CD8B2: variants seen among roughly 807,000 people sequenced by gnomAD.
CD8B2 encodes the protein T-cell surface glycoprotein CD8 beta-2 chain.
Under a neutral mutation model 23.7 loss-of-function variants are expected in CD8B2, and 11 were observed. That is an observed-to-expected ratio of 0.46 (90% CI 0.29 to 0.77). The LOEUF (loss-of-function observed/expected upper bound fraction) is 0.77, where lower values mean the gene tolerates loss of function less well. Among genes scored for constraint, CD8B2 ranks in the 30% least tolerant of loss-of-function variants. The pLI is 0.09. For synonymous variants in CD8B2, 90 were observed against 109.3 expected (o/e 0.82, Z 1.10); for missense variants, 197 against 270.5 (o/e 0.73, Z 1.91).
intron 4 of CD8B2, 141 bp downstream of exon 4, chr2:106,502,704 T>C (rs1242551145): frequency 1.4e-5 from 8 of 571,416 alleles, no homozygotes; most frequent in Non-Finnish European, 2.2e-5. Context: ...TTTCCGGAGG[T>C]AGTTCTTGGC....
intron 3 of CD8B2, among the ~76,000 whole-genome samples, chr2:106,502,071 G>A (rs1295066072): frequency 4.0e-5 from 6 of 151,768 alleles, no homozygotes; most frequent in Admixed American, 6.6e-5. Flanking sequence ...CAAGGTGGGC[G>A]GATTGCTTGA....
In CD8B2 at chr2:106,517,891, A is replaced by T. The variant is rs1415465370; in HGVS notation, c.620+13566A>T. ...CAACGCCCGGCTAATTTTTTTTGTA[A>T]TTTTAGTAGAGACGGGGTTTCACCG... is the stretch of plus-strand genomic sequence containing the variant. On this transcript the variant is annotated intron_variant, in intron 5 of 5. Transcript: ENST00000416057. Among the ~76,000 whole-genome samples, 7 of 151,694 alleles carry T rather than the reference A, an allele frequency of 4.6e-5. No individual in the cohort carries two copies. The East Asian group carries it at 7.8e-4, about 17-fold the overall frequency.
intron 5 of CD8B2, among the ~76,000 whole-genome samples, chr2:106,536,626 A>G (rs151201955): frequency 4.6e-5 from 7 of 152,334 alleles, no homozygotes; most frequent in Non-Finnish European, 8.8e-5. Flanking sequence ...CAATGAATAG[A>G]TGAAAAGGGT....
chr2:106,537,584 T>C (rs1453989248), intron 5 of CD8B2, among the ~76,000 whole-genome samples: 1 of 152,198 alleles, frequency 6.6e-6, no homozygotes, highest in East Asian at 1.9e-4. Context: ...AATCTCTTTT[T>C]ACTTGGTGTA....
At chr2:106,500,694 T>C (rs1157353305) in intron 3 of CD8B2, among the ~76,000 whole-genome samples, 1 of 152,118 alleles carries the variant, frequency 6.6e-6, no homozygotes, top group Admixed American at 6.5e-5. Context: ...TTTCCGAACC[T>C]CGAGCCCAAA....
Position 106,490,971 on chromosome 2 carries a change from C to T in CD8B2, c.141C>T (p.Leu47=). 2 of 1,614,030 alleles carry T rather than the reference C, an allele frequency of 1.2e-6. No individual in the cohort carries two copies. Among genetic ancestry groups the T allele is most frequent in the Non-Finnish European group, 1.7e-6 (2 of 1,179,882 alleles). The change falls in exon 2 of 6, where the codon CTC becomes CTT. Residue 47 remains leucine, a synonymous_variant. Coordinates refer to ENST00000643224, the MANE Select transcript of CD8B2 (RefSeq NM_001349727.2). ...TGTCCTGCGAGGCTAAAATCTCCCT[C>T]AGTAACATGTGCATCTACTGGCTGA... ...VMLSCEAKIS[L]SNMCIYWLRQ... is the part of the protein sequence containing the mutation.
chr2:106,511,055 G>A lies in CD8B2; in HGVS notation c.*4115G>A, dbSNP rs1487370507. The A allele has an allele frequency of 2.0e-5, 3 of 152,022 alleles. No homozygotes were observed. 9.4% of individuals were successfully genotyped at this position (152,022 alleles called of 1,614,324 possible). ...ATCATGTATTACTTTTGTAGTTGGG[G>A]AAAAAGCAATTAAAAGTTTGGAAAA... On this transcript the variant is annotated 3_prime_UTR_variant, in exon 6 of 6. Coordinates refer to ENST00000643224, the MANE Select transcript of CD8B2 (RefSeq NM_001349727.2).
At chr2:106,512,475 G>T (rs980486874), downstream of CD8B2, among the ~76,000 whole-genome samples, 1 of 142,480 alleles carries the variant, frequency 7.0e-6, no homozygotes, top group African/African-American at 2.6e-5. Flanking sequence ...TCTTCCTTGG[G>T]TGTGTGTGTG....
chr2:106,539,870 C>G (rs886741392), intron 5 of CD8B2, among the ~76,000 whole-genome samples: 2 of 152,222 alleles, frequency 1.3e-5, no homozygotes, highest in Admixed American at 6.5e-5. Context: ...TCTTGGCTAA[C>G]TTAATCACTG....
chr2:106,523,671 C>A (rs1679863097), intron 5 of CD8B2, among the ~76,000 whole-genome samples: 1 of 152,170 alleles, frequency 6.6e-6, no homozygotes, highest in South Asian at 2.1e-4. Context: ...GAAAGCCAAT[C>A]CCTGAGACAA....
At chr2:106,494,685 G>A (rs1194617261) in intron 2 of CD8B2, among the ~76,000 whole-genome samples, 1 of 152,022 alleles carries the variant, frequency 6.6e-6, no homozygotes, top group Non-Finnish European at 1.5e-5. Flanking sequence ...CCGGCCCACT[G>A]CCCCTCCCAA....
downstream of CD8B2, among the ~76,000 whole-genome samples, chr2:106,512,409 A>T (rs1253051686): frequency 6.6e-6 from 1 of 150,428 alleles, no homozygotes; most frequent in African/African-American, 2.5e-5. Context: ...GACCATTTCC[A>T]CTCCTGTCCC....
At chr2:106,521,810 C>T (rs1573346119) in intron 5 of CD8B2, 1 of 152,298 alleles carries the variant, frequency 6.6e-6, no homozygotes, top group East Asian at 1.9e-4. Flanking sequence ...TCCTAGTTTT[C>T]CCTATATTTT....
At chr2:106,519,938 G>A (rs549539170) in intron 5 of CD8B2, among the ~76,000 whole-genome samples, 5 of 152,132 alleles carry the variant, frequency 3.3e-5, no homozygotes, top group East Asian at 1.9e-4. Context: ...ATTCTGTTCC[G>A]CTTGATAGCA....
At chr2:106,519,937 C>T (rs1243754493) in intron 5 of CD8B2, among the ~76,000 whole-genome samples, 2 of 152,268 alleles carry the variant, frequency 1.3e-5, no homozygotes, top group East Asian at 1.9e-4. Flanking sequence ...CATTCTGTTC[C>T]GCTTGATAGC....
chr2:106,531,605 G>C (rs1679990144), intron 5 of CD8B2, among the ~76,000 whole-genome samples: 1 of 152,096 alleles, frequency 6.6e-6, no homozygotes, highest in Non-Finnish European at 1.5e-5. Context: ...AGCCTGGTTA[G>C]GTCATGGGGT....
intron 5 of CD8B2, among the ~76,000 whole-genome samples, chr2:106,541,933 C>T (rs1293822181): frequency 6.6e-6 from 1 of 152,178 alleles, no homozygotes; most frequent in Non-Finnish European, 1.5e-5. Context: ...GCCAGCCATC[C>T]CATTGCAGTG....
intron 3 of CD8B2, among the ~76,000 whole-genome samples, chr2:106,497,583 C>T (rs2104554019): frequency 6.6e-6 from 1 of 152,340 alleles, no homozygotes; most frequent in South Asian, 2.1e-4. Context: ...CCCAGGAGCA[C>T]TGCCTCACAC....
intron 5 of CD8B2, among the ~76,000 whole-genome samples, chr2:106,542,348 A>G (rs1052184529): frequency 6.6e-6 from 1 of 152,238 alleles, no homozygotes; most frequent in Non-Finnish European, 1.5e-5. Context: ...TTATACACAT[A>G]TGAGGTGCTC....
Sources: gnomAD v4.1 joint callset for allele counts (sites outside exome capture counted in the v4.1 genomes callset) on GRCh38, gnomAD v4.1.1 for gene constraint, MANE v1.5 for transcripts, NCBI Gene and HGNC (gene_info 2026-07-23, HGNC 2026-07-21) for gene names.